The following PCDHA6 variants were observed in gnomAD, a reference collection of about 807,000 sequenced individuals.
The protein encoded by PCDHA6 is protocadherin alpha 6, also known as protocadherin alpha-6.
Under a neutral mutation model 60.3 loss-of-function variants are expected in PCDHA6, and 55 were observed. That is an observed-to-expected ratio of 0.91 (90% CI 0.73 to 1.14). The LOEUF is 1.14. Ranked by LOEUF, PCDHA6 falls within the 50% of genes most tolerant of loss-of-function variation. PCDHA6 has a pLI of 0.00. For synonymous variants in PCDHA6, 652 were observed against 557.9 expected, an observed-to-expected ratio of 1.17 and a Z score of -2.38; for missense variants, 1,327 against 1,256.5, an observed-to-expected ratio of 1.06 and a Z score of -0.85.
intron 1 of PCDHA6, chr5:140,967,797 C>T: frequency 6.2e-7 from 1 of 1,614,184 alleles, no homozygotes; most frequent in East Asian, 2.2e-5. Flanking sequence ...GGTCCAGTGC[C>T]CATGGCAGGT....
rs543899552 is a variant in PCDHA6 at position 140,891,287 on chromosome 5, A to T, written c.2394+60802A>T. ...AATTTTTCCGTAAGTTATTGGGGGT[A>T]CAGGTGGTATTTGATTACATGAGTA... is the stretch of plus-strand genomic sequence containing the variant. On this transcript the variant is annotated intron_variant, in intron 1 of 3. Transcript: ENST00000529310. 3.9e-5 allele frequency among the ~76,000 whole-genome samples: 6 copies of T among 152,176 alleles called. No individual in the cohort carries two copies. In the South Asian group the frequency reaches 6.2e-4, roughly 16 times the overall value.
intron 1 of PCDHA6, chr5:140,869,562 A>C: frequency 2.5e-6 from 4 of 1,614,168 alleles, no homozygotes. Flanking sequence ...CGCGTTTTCC[A>C]CTAGAGGGAG....
At chr5:140,909,632 A>G (rs781948813) in intron 1 of PCDHA6, among the ~76,000 whole-genome samples, 3 of 152,038 alleles carry the variant, frequency 2.0e-5, no homozygotes, top group South Asian at 2.1e-4. Flanking sequence ...TGGTCTTCCT[A>G]TTTTGTCTTT....
rs2150205014 is a variant in PCDHA6, at chr5:140,832,896, C to G, written c.2394+2411C>G. Among the ~76,000 whole-genome samples, 13 of 152,128 alleles carry G rather than the reference C, an allele frequency of 8.5e-5. 1 individual carries two copies. In the South Asian group the frequency reaches 2.7e-3, roughly 32 times the overall value. On this transcript the variant is annotated intron_variant, in intron 1 of 3. Coordinates refer to ENST00000529310, the MANE Select transcript of PCDHA6 (RefSeq NM_018909.4). ...GGTTATAAAATGGAAAGAGTTTTCCCTGGGAGAATATGGAGACTAACAGGT... is the reference window on the plus strand; with the variant it reads ...GGTTATAAAATGGAAAGAGTTTTCCGTGGGAGAATATGGAGACTAACAGGT...
At chr5:140,868,930 G>A (rs966807738) in intron 1 of PCDHA6, 6 of 1,085,506 alleles carry the variant, frequency 5.5e-6, no homozygotes, top group East Asian at 5.1e-5. Context: ...TTCATTTAAA[G>A]GTTGGTCTGA....
At chr5:140,966,683 G>A (rs1357691419) in intron 1 of PCDHA6, 1 of 1,331,590 alleles carries the variant, frequency 7.5e-7, no homozygotes. Flanking sequence ...TGGCACGAGC[G>A]GAGGCGGGGC....
intron 1 of PCDHA6, chr5:140,966,696 G>A (rs2096039255): frequency 7.4e-7 from 1 of 1,358,662 alleles, no homozygotes. Flanking sequence ...GGCGGGGCCC[G>A]GGCGTGGGGC....
At chr5:140,999,713 G>A (rs533034174) in intron 3 of PCDHA6, among the ~76,000 whole-genome samples, 2 of 152,226 alleles carry the variant, frequency 1.3e-5, no homozygotes, top group South Asian at 4.2e-4. Flanking sequence ...AGCTAACTAC[G>A]GAGACCAGCC....
rs2150483101 is a variant in PCDHA6, at chr5:140,850,412, A to T, written c.2394+19927A>T. 3.6e-5 allele frequency: 57 copies of T among 1,597,620 alleles called. No homozygotes were observed. The South Asian group carries it at 6.3e-4, about 18-fold the overall frequency. On this transcript the variant is annotated intron_variant, in intron 1 of 3. Transcript: ENST00000529310. ...TCAGCACAACGCGTGCCCTGGACGA[A>T]ACGGACGCACCGCGCCAGCGCCTAC...
chr5:140,876,069 A>G (rs1554168246), intron 1 of PCDHA6: 1 of 1,613,948 alleles, frequency 6.2e-7, no homozygotes, highest in South Asian at 1.1e-5. Flanking sequence ...TTCGGAAGTT[A>G]TTGGACAGAG....
At chr5:140,841,894 G>C in intron 1 of PCDHA6, 1 of 1,613,814 alleles carries the variant, frequency 6.2e-7, no homozygotes. Flanking sequence ...AGAATAAACT[G>C]GTTGAGCTCG....
chr5:140,858,680 A>G (rs2045557174), intron 1 of PCDHA6: 4 of 623,692 alleles, frequency 6.4e-6, no homozygotes, highest in Non-Finnish European at 1.1e-5. Flanking sequence ...TTCTGAATAC[A>G]CTAATATTTT....
chr5:140,830,065 G>T lies in PCDHA6; in HGVS notation c.1974G>T (p.Ala658=), dbSNP rs1274600661. ...LVLVKDHGEP[A]LTATATVLVS... ...TGGTGAAAGACCACGGTGAGCCGGC[G>T]CTGACAGCGACGGCCACGGTTCTGG... The change falls in exon 1 of 4, where the codon GCG becomes GCT. Residue 658 remains alanine (A), a synonymous_variant. Coordinates refer to ENST00000529310, the MANE Select transcript of PCDHA6 (RefSeq NM_018909.4). 6.2e-7 allele frequency: 1 copy of T among 1,613,614 alleles called. No homozygotes were observed. The highest frequency in any genetic ancestry group is 1.3e-5 in the African/African-American group (1 of 74,946).
chr5:140,867,131 T>A (rs769857763), intron 1 of PCDHA6: 12 of 152,188 alleles, frequency 7.9e-5, no homozygotes, highest in African/African-American at 2.9e-4. Context: ...TTCAAATATG[T>A]GATATTATCA....
At chr5:140,906,914 GC>G (rs2073038837) in intron 1 of PCDHA6, among the ~76,000 whole-genome samples, 1 of 152,182 alleles carries the variant, frequency 6.6e-6, no homozygotes, top group Admixed American at 6.5e-5. Context: ...GGTAGGAGGA[GC>G]CCAAAAAGTG....
At chr5:140,868,018 A>C (rs987390119) in intron 1 of PCDHA6, 14 of 152,136 alleles carry the variant, frequency 9.2e-5, no homozygotes, top group African/African-American at 3.1e-4. Context: ...GATTAAGGAA[A>C]CCAATGTTGG....
At chr5:140,912,721 A>G (rs377668484) in intron 1 of PCDHA6, among the ~76,000 whole-genome samples, 2 of 152,066 alleles carry the variant, frequency 1.3e-5, no homozygotes, top group East Asian at 1.9e-4. Flanking sequence ...TCTCCATTCA[A>G]TATGATGTTG....
chr5:140,855,885 A>C lies in PCDHA6; in HGVS notation c.2394+25400A>C, dbSNP rs182267691. The C allele has an allele frequency of 1.4e-3, 1,364 of 972,052 alleles. 77 individuals carry two copies. Among genetic ancestry groups the C allele is most frequent in the Non-Finnish European group, 3.0e-4 (200 of 667,108 alleles). The allele number at this position is 972,052 out of a possible 1,614,324, so 60.2% of individuals were successfully genotyped here. On this transcript the variant is annotated intron_variant, in intron 1 of 3. Coordinates refer to ENST00000529310, the MANE Select transcript of PCDHA6 (RefSeq NM_018909.4). ...TGTCGTCCACAAAATAGCTTTTTAG[A>C]ACAAAGGCATCAGCCAGTTTCTCAA...
At chr5:140,912,654 G>T (rs1411811349) in intron 1 of PCDHA6, among the ~76,000 whole-genome samples, 4 of 152,076 alleles carry the variant, frequency 2.6e-5, no homozygotes, top group Non-Finnish European at 5.9e-5. Flanking sequence ...GAATAGAAGT[G>T]GTGAAAATGG....
Sources: allele counts gnomAD v4.1 joint callset (sites outside exome capture counted in the v4.1 genomes callset), GRCh38; gene constraint gnomAD v4.1.1; transcripts MANE v1.5; gene names NCBI Gene and HGNC (gene_info 2026-07-23, HGNC 2026-07-21).